The following ABLIM1 variants were observed in gnomAD, a reference collection of about 807,000 sequenced individuals.
ABLIM1 encodes the protein actin-binding LIM protein 1.
Under a neutral mutation model 107.0 loss-of-function variants are expected in ABLIM1, and 40 were observed. The ratio of observed to expected loss-of-function variants is 0.37; its 90% CI spans 0.29 to 0.49. The LOEUF (loss-of-function observed/expected upper bound fraction) is 0.49, where lower values mean the gene tolerates loss of function less well. ABLIM1 is among the 20% of genes least tolerant of loss of function. The probability of loss-of-function intolerance (pLI) is 0.97; values close to 1 mark genes in which losing one functional copy is unlikely to be tolerated. For synonymous variants in ABLIM1, 357 were observed against 357.3 expected, an observed-to-expected ratio of 1.00 and a Z score of 0.01; for missense variants, 857 against 1,008.5, an observed-to-expected ratio of 0.85 and a Z score of 2.04.
At position 114,530,813 on chromosome 10, in the gene ABLIM1, C is replaced by T. The variant is rs202159872; in HGVS notation, c.894+14192G>A. On this transcript the variant is annotated intron_variant, in intron 6 of 22. Coordinates refer to ENST00000533213, the MANE Select transcript of ABLIM1 (RefSeq NM_002313.7). ...CCTCCCAAAGTGCTGGGATTATAGG[C>T]GTGAGCCACCACACCCAGCCAGAAA... 5.9e-5 allele frequency among the ~76,000 whole-genome samples: 9 copies of T among 152,232 alleles called. No individual in the cohort carries two copies. In the East Asian group the frequency reaches 1.5e-3, roughly 26 times the overall value.
rs1223989711 is a variant in ABLIM1, at chr10:114,436,101, G to A, written c.*159C>T. 10 of 600,748 alleles carry A rather than the reference G, an allele frequency of 1.7e-5. No homozygotes were observed. The highest frequency in any genetic ancestry group is 1.4e-4 in the East Asian group (5 of 36,012). 37.2% of individuals were successfully genotyped at this position (600,748 alleles called of 1,614,324 possible). A position where few individuals can be genotyped will look rare whatever the true frequency, so the allele number is the denominator to read the frequency against. On this transcript the variant is annotated 3_prime_UTR_variant, in exon 23 of 23. Coordinates refer to ENST00000533213, the MANE Select transcript of ABLIM1 (RefSeq NM_002313.7). ...GGCAAGTGTTACTGTTGGCTGGCCC[G>A]ACATTTGACTCATGGTGTTTTAACC...
chr10:114,632,507 T>C (rs1019023054), intron 1 of ABLIM1: 2 of 984,330 alleles, frequency 2.0e-6, no homozygotes, highest in Non-Finnish European at 1.2e-6. Context: ...AAAAACAGAA[T>C]AATGATGCTA....
chr10:114,658,018 C>G lies in ABLIM1; in HGVS notation c.183G>C (p.Leu61=). The G allele has an allele frequency of 6.2e-7, 1 of 1,614,164 alleles. No individual in the cohort carries two copies. The highest frequency in any genetic ancestry group is 8.5e-7 in the Non-Finnish European group (1 of 1,180,032). The change falls in exon 1 of 23, where the codon CTG becomes CTC. Residue 61 remains leucine, a synonymous_variant. Coordinates refer to ENST00000533213, the MANE Select transcript of ABLIM1 (RefSeq NM_002313.7). The stretch of plus-strand genomic sequence containing the variant: ...GGCAGTAGTCCTTGGGACAGAGATA[C>G]AGCAAATGAGTGATAGTGGCACGCC... ...AHRRATITHL[L]YLCPKDYCPR...
chr10:114,634,406 A>G (rs1270356395), intron 1 of ABLIM1, among the ~76,000 whole-genome samples: 1 of 151,912 alleles, frequency 6.6e-6, no homozygotes, highest in Non-Finnish European at 1.5e-5. Context: ...TGCTGGGATT[A>G]CAGGCGTGAG....
At chr10:114,695,885 CAG>C (rs1271516959) in intron 1 of ABLIM1, among the ~76,000 whole-genome samples, 2 of 152,154 alleles carry the variant, frequency 1.3e-5, no homozygotes, top group East Asian at 1.9e-4. Context: ...TTTGGGAAAA[CAG>C]AGTTTCCAGA....
the ABLIM1 span, among the ~76,000 whole-genome samples, chr10:114,792,893 T>C: frequency 3.9e-5 from 6 of 152,220 alleles, no homozygotes; most frequent in Admixed American, 3.3e-4. Flanking sequence ...GGCTCATGCC[T>C]GTAATCCCAG....
At chr10:114,577,103 A>G (rs2072691810) in intron 2 of ABLIM1, among the ~76,000 whole-genome samples, 1 of 152,178 alleles carries the variant, frequency 6.6e-6, no homozygotes, top group Non-Finnish European at 1.5e-5. Context: ...ACAGAACCTT[A>G]GAGTGTTTTC....
At chr10:114,689,178 G>A (rs775470647), upstream of ABLIM1, among the ~76,000 whole-genome samples, 29 of 152,124 alleles carry the variant, frequency 1.9e-4, no homozygotes, top group Admixed American at 3.9e-4. Flanking sequence ...CATCCAGCAT[G>A]TGCCAGACCA....
At chr10:114,684,333 C>T in exon 1 of ABLIM1, 4 of 1,614,160 alleles carry the variant, frequency 2.5e-6, no homozygotes, top group African/African-American at 1.3e-5. Flanking sequence ...TGAGCTCAGT[C>T]ATTTCCAAGG....
chr10:114,772,846 C>T (rs2083040866), upstream of ABLIM1, among the ~76,000 whole-genome samples: 1 of 152,042 alleles, frequency 6.6e-6, no homozygotes, highest in Non-Finnish European at 1.5e-5. Context: ...AAAAGATACA[C>T]ATCACAAAAC....
At chr10:114,475,542 C>T (rs76912440) in intron 8 of ABLIM1, among the ~76,000 whole-genome samples, 1,610 of 152,312 alleles carry the variant, frequency 0.011, 30 homozygotes, top group African/African-American at 0.037. Flanking sequence ...ACAGAAGGCA[C>T]AAATCCTAGT....
intron 1 of ABLIM1, among the ~76,000 whole-genome samples, chr10:114,617,276 T>G (rs1378512801): frequency 6.6e-6 from 1 of 150,986 alleles, no homozygotes; most frequent in African/African-American, 2.4e-5. Context: ...TTTTTTTTTT[T>G]TTGAGATGGA....
intron 4 of ABLIM1, among the ~76,000 whole-genome samples, chr10:114,567,226 T>C (rs1415235277): frequency 6.6e-6 from 1 of 152,224 alleles, no homozygotes; most frequent in African/African-American, 2.4e-5. Context: ...CAGAGAGTGA[T>C]ACCTACATCA....
intron 8 of ABLIM1, among the ~76,000 whole-genome samples, chr10:114,481,101 C>T (rs1418766974): frequency 6.6e-6 from 1 of 152,138 alleles, no homozygotes; most frequent in African/African-American, 2.4e-5. Context: ...TTGAAGACAT[C>T]CTCTTCCGTT....
rs968445434 is a variant in ABLIM1 at position 114,656,169 on chromosome 10, C to T, written c.244+1788G>A. 2.7e-5 allele frequency among the ~76,000 whole-genome samples: 4 copies of T among 146,656 alleles called. No individual in the cohort carries two copies. The Admixed American group carries it at 2.8e-4, about 10-fold the overall frequency. On this transcript the variant is annotated intron_variant, in intron 1 of 22. Transcript: ENST00000533213. The stretch of plus-strand genomic sequence containing the variant: ...CCGGTAATCCAAACTACTTGGGAGG[C>T]TGAGGCAGGAGAATCATTTGAACTC...
the ABLIM1 span, among the ~76,000 whole-genome samples, chr10:114,791,023 T>C: frequency 3.9e-5 from 6 of 152,312 alleles, no homozygotes; most frequent in Non-Finnish European, 8.8e-5. Context: ...AAATTATTTA[T>C]CCTTTTTAAA....
intron 2 of ABLIM1, among the ~76,000 whole-genome samples, chr10:114,598,703 T>C (rs1421552515): frequency 1.3e-5 from 2 of 152,232 alleles, no homozygotes; most frequent in Non-Finnish European, 2.9e-5. Flanking sequence ...CAATACTTTT[T>C]ATATTACTTG....
chr10:114,568,039 A>C (rs1450998507), intron 4 of ABLIM1, among the ~76,000 whole-genome samples: 1 of 150,162 alleles, frequency 6.7e-6, no homozygotes, highest in African/African-American at 2.5e-5. Flanking sequence ...AAATACAAAA[A>C]ATTAGCCGGG....
chr10:114,743,851 T>A (rs1397219193), intron 1 of ABLIM1, among the ~76,000 whole-genome samples: 2 of 152,024 alleles, frequency 1.3e-5, no homozygotes, highest in African/African-American at 2.4e-5. Flanking sequence ...CATAAAAAGA[T>A]GGGCTAATGT....
Sources: allele counts gnomAD v4.1 joint callset (sites outside exome capture counted in the v4.1 genomes callset), GRCh38; gene constraint gnomAD v4.1.1; transcripts MANE v1.5; gene names NCBI Gene and HGNC (gene_info 2026-07-23, HGNC 2026-07-21).